The following KIF4A variants were observed in gnomAD, a reference collection of about 807,000 sequenced individuals.
The protein encoded by KIF4A is chromosome-associated kinesin KIF4A.
Under a neutral mutation model 105.9 loss-of-function variants are expected in KIF4A, and 7 were observed. That is an observed-to-expected ratio of 0.07 (90% confidence interval 0.04 to 0.12). KIF4A has a LOEUF of 0.12. Among genes scored for constraint, KIF4A ranks in the 10% least tolerant of loss-of-function variants. KIF4A has a pLI of 1.00. For missense variants in KIF4A, 558 were observed against 929.2 expected, an observed-to-expected ratio of 0.60 and a Z score of 5.19; for synonymous variants, 281 against 331.3, an observed-to-expected ratio of 0.85 and a Z score of 1.65.
At chrX:70,312,906 T>C (rs150872263) in intron 7 of KIF4A, among the ~76,000 whole-genome samples, 1,172 of 112,387 alleles carry the variant, frequency 0.01, 9 homozygotes, top group African/African-American at 0.036. Flanking sequence ...TGTCAATTTC[T>C]AATGTATTGC....
At chrX:70,331,640 A>G (rs1021002346) in intron 9 of KIF4A, among the ~76,000 whole-genome samples, 7 of 13,528 alleles carry the variant, frequency 5.2e-4, no homozygotes, top group Admixed American at 1.7e-3. Context: ...TTCAATTTGT[A>G]AAAAAAAAAC....
At chrX:70,399,029 T>A (rs1319640029) in intron 22 of KIF4A, among the ~76,000 whole-genome samples, 1 of 111,516 alleles carries the variant, frequency 9.0e-6, no homozygotes, top group East Asian at 2.8e-4. Context: ...AACAAGCCAG[T>A]CTTAATTAAG....
chrX:70,384,446 A>G (rs980634083), intron 18 of KIF4A, among the ~76,000 whole-genome samples: 1 of 111,024 alleles, frequency 9.0e-6, no homozygotes, highest in African/African-American at 3.3e-5. Flanking sequence ...TCAAGGGAGA[A>G]GTTGGGCTGG....
At position 70,339,369 on chromosome X, in the gene KIF4A, A is replaced by G. The variant is rs151257542; in HGVS notation, c.1134-2430A>G. 6.2e-4 allele frequency among the ~76,000 whole-genome samples: 69 copies of G among 111,519 alleles called. No homozygotes were observed. The East Asian group carries it at 0.019, about 31-fold the overall frequency. ...TCTTTCTTCCTAATTTTCCCCCTTTAGATAATTTAGTCTGGGTTTCCTGAT... is the reference window on the plus strand; with the variant it reads ...TCTTTCTTCCTAATTTTCCCCCTTTGGATAATTTAGTCTGGGTTTCCTGAT... On this transcript the variant is annotated intron_variant, in intron 10 of 30. Transcript: ENST00000374403.
At chrX:70,292,999 T>G (rs1403226601) in intron 3 of KIF4A, among the ~76,000 whole-genome samples, 2 of 112,248 alleles carry the variant, frequency 1.8e-5, no homozygotes. Flanking sequence ...CACAGAGCCC[T>G]AAGTATTTTG....
chrX:70,297,289 T>C, intron 4 of KIF4A, 101 bp downstream of exon 4: 1 of 733,844 alleles, frequency 1.4e-6, no homozygotes, highest in East Asian at 3.5e-5. Flanking sequence ...ATTAGTAAGT[T>C]GCATTTTAAT....
At position 70,368,903 on chromosome X, in the gene KIF4A, C is replaced by T. The variant is rs2086117443; in HGVS notation, c.1675-5248C>T. Among the ~76,000 whole-genome samples the T allele has an allele frequency of 2.7e-5, 3 of 111,810 alleles. 1 individual carries two copies. On this transcript the variant is annotated intron_variant, in intron 15 of 30. Transcript: ENST00000374403. Reference sequence around the variant, plus strand: ...GAGCTGCGGTGGGCTCCACCCAGTTCGAGCTTCCCAGCCTCTTTGTTTACC... The same window carrying T: ...GAGCTGCGGTGGGCTCCACCCAGTTTGAGCTTCCCAGCCTCTTTGTTTACC...
chrX:70,419,924 A>C, intron 30 of KIF4A, 138 bp from the exon 31 acceptor site: 1 of 1,009,252 alleles, frequency 9.9e-7, no homozygotes. Flanking sequence ...CATAGACTCT[A>C]GTCTGGTTTT....
intron 7 of KIF4A, among the ~76,000 whole-genome samples, chrX:70,311,192 A>G (rs2085848584): frequency 9.0e-6 from 1 of 111,038 alleles, no homozygotes; most frequent in Admixed American, 9.6e-5. Context: ...TGCCGAATTT[A>G]TTAATATAAT....
At chrX:70,365,290 G>A (rs1304432971) in intron 15 of KIF4A, among the ~76,000 whole-genome samples, 1 of 111,691 alleles carries the variant, frequency 9.0e-6, no homozygotes, top group Non-Finnish European at 1.9e-5. Flanking sequence ...TTGAATAGGA[G>A]TGGTGAGAGA....
chrX:70,338,009 G>A (rs2085957488), intron 10 of KIF4A, among the ~76,000 whole-genome samples: 1 of 111,407 alleles, frequency 9.0e-6, no homozygotes, highest in South Asian at 3.7e-4. Flanking sequence ...CCCTTTGTCT[G>A]TGGTGTGTGT....
At chrX:70,415,963 G>A (rs757699377) in intron 28 of KIF4A, among the ~76,000 whole-genome samples, 3 of 105,311 alleles carry the variant, frequency 2.8e-5, no homozygotes, top group African/African-American at 1.0e-4. Flanking sequence ...CGCCTCCCGG[G>A]TTCAAGCGAT....
intron 7 of KIF4A, among the ~76,000 whole-genome samples, chrX:70,322,373 G>A (rs1360828320): frequency 9.2e-6 from 1 of 108,478 alleles, no homozygotes; most frequent in Non-Finnish European, 1.9e-5. Context: ...GTGCAGTGGC[G>A]CAATCTCGGC....
At chrX:70,313,721 A>T (rs181579609) in intron 7 of KIF4A, among the ~76,000 whole-genome samples, 1 of 112,283 alleles carries the variant, frequency 8.9e-6, no homozygotes, top group East Asian at 2.8e-4. Flanking sequence ...GTGGTTTCTG[A>T]TCCACCAGTG....
At chrX:70,409,260 TAC>T (rs1468660728) in intron 28 of KIF4A, among the ~76,000 whole-genome samples, 1 of 111,774 alleles carries the variant, frequency 8.9e-6, no homozygotes, top group Non-Finnish European at 1.9e-5. Flanking sequence ...GAAAGGGAAA[TAC>T]AGTCTTGGGA....
At position 70,399,599 on chromosome X, in the gene KIF4A, G is replaced by A. The variant is rs150823953; in HGVS notation, c.2490-2967G>A. The stretch of plus-strand genomic sequence containing the variant: ...TGGCACTTTATAGAATGATGTATTC[G>A]TAAATGAGCCATTCAGATTGCAAGA... On this transcript the variant is annotated intron_variant, in intron 22 of 30. Coordinates refer to ENST00000374403, the MANE Select transcript of KIF4A (RefSeq NM_012310.5). Among the ~76,000 whole-genome samples the A allele has an allele frequency of 5.1e-3, 555 of 109,559 alleles. 26 individuals are homozygous for A. The East Asian group carries it at 0.093, about 18-fold the overall frequency.
At chrX:70,358,347 C>A (rs2086060580) in intron 15 of KIF4A, among the ~76,000 whole-genome samples, 1 of 111,458 alleles carries the variant, frequency 9.0e-6, no homozygotes. Context: ...CTCTTTCTTG[C>A]ACTTCTCTTA....
chrX:70,368,842 C>T (rs1275259435), intron 15 of KIF4A, among the ~76,000 whole-genome samples: 1 of 112,210 alleles, frequency 8.9e-6, no homozygotes, highest in East Asian at 2.8e-4. Flanking sequence ...GCCCTGCCCC[C>T]AGAGGTGGAG....
chrX:70,395,747 A>G lies in KIF4A; in HGVS notation c.2309A>G (p.Asp770Gly), dbSNP rs1332869851. The part of the protein sequence containing the change: ...AKRHLNDLLE[D>G]RKILAQDVAQ... ...CGCCATCTGAATGACCTCCTTGAAG[A>G]TAGAAAGATCCTGGCTCAAGATGTG... The change falls in exon 21 of 31, where the codon GAT becomes GGT. Residue 770 changes from aspartate to glycine, a missense_variant. By Grantham distance (94) the Asp-to-Gly change is moderately conservative. Coordinates refer to ENST00000374403, the MANE Select transcript of KIF4A (RefSeq NM_012310.5). 8.3e-6 allele frequency: 10 copies of G among 1,209,782 alleles called. No individual in the cohort carries two copies. Among genetic ancestry groups the G allele is most frequent in the Non-Finnish European group, 1.1e-5 (10 of 895,279 alleles).
Sources: allele counts gnomAD v4.1 joint callset (sites outside exome capture counted in the v4.1 genomes callset), GRCh38; gene constraint gnomAD v4.1.1; transcripts MANE v1.5; gene names NCBI Gene and HGNC (gene_info 2026-07-23, HGNC 2026-07-21).